Variants in GRID2 observed in about 807,000 individuals in gnomAD.
GRID2 encodes glutamate receptor ionotropic, delta-2.
GRID2 carries 33 observed loss-of-function variants against 114.8 expected under a neutral mutation model. That is an observed-to-expected ratio of 0.29 (90% CI 0.22 to 0.38). The LOEUF (loss-of-function observed/expected upper bound fraction) is 0.38. Among genes scored for constraint, GRID2 ranks in the 10% least tolerant of loss-of-function variants. The probability of loss-of-function intolerance (pLI) is 1.00; values close to 1 mark genes in which losing one functional copy is unlikely to be tolerated. For synonymous variants in GRID2, 505 were observed against 449.9 expected, an observed-to-expected ratio of 1.12 and a Z score of -1.55; for missense variants, 1,184 against 1,257.7, an observed-to-expected ratio of 0.94 and a Z score of 0.89.
chr4:92,985,269 G>C (rs535212817), intron 2 of GRID2, among the ~76,000 whole-genome samples: 100 of 150,644 alleles, frequency 6.6e-4, no homozygotes, highest in African/African-American at 2.4e-3. Context: ...TGTCTCCCAG[G>C]CTGGACTGCA....
At chr4:93,324,670 C>CT (rs1225622689) in intron 8 of GRID2, among the ~76,000 whole-genome samples, 5 of 152,018 alleles carry the variant, frequency 3.3e-5, no homozygotes, top group Non-Finnish European at 5.9e-5. Context: ...TGGTCCTGGA[C>CT]TTTTTTTGGT....
intron 1 of GRID2, among the ~76,000 whole-genome samples, chr4:92,363,772 A>G (rs942030153): frequency 3.3e-5 from 5 of 149,880 alleles, no homozygotes; most frequent in African/African-American, 1.2e-4. Context: ...AAAATAACAC[A>G]TTTTTAAAGT....
At chr4:93,406,232 A>G (rs368817990) in intron 9 of GRID2, among the ~76,000 whole-genome samples, 2 of 152,172 alleles carry the variant, frequency 1.3e-5, no homozygotes, top group South Asian at 2.1e-4. Context: ...ACATTAGTCA[A>G]TTGGTAGAAA....
At chr4:92,995,728 G>T (rs1755158376) in intron 2 of GRID2, among the ~76,000 whole-genome samples, 1 of 152,008 alleles carries the variant, frequency 6.6e-6, no homozygotes, top group African/African-American at 2.4e-5. Context: ...GACTACTATT[G>T]CTACAGTATG....
At chr4:93,337,129 A>G (rs565993622) in intron 8 of GRID2, among the ~76,000 whole-genome samples, 2 of 152,308 alleles carry the variant, frequency 1.3e-5, no homozygotes, top group East Asian at 3.9e-4. Context: ...GTAAATAAAT[A>G]TAGGAAAGAG....
chr4:92,815,193 T>C (rs985768393), intron 2 of GRID2, among the ~76,000 whole-genome samples: 5 of 152,120 alleles, frequency 3.3e-5, no homozygotes, highest in African/African-American at 1.2e-4. Flanking sequence ...ATATTCTTAT[T>C]AATATGATAT....
intron 2 of GRID2, among the ~76,000 whole-genome samples, chr4:92,904,754 A>G (rs985197683): frequency 6.6e-6 from 1 of 152,036 alleles, no homozygotes; most frequent in Non-Finnish European, 1.5e-5. Flanking sequence ...AGCAATGACA[A>G]TGGATGGAAC....
At chr4:93,579,514 A>T (rs1736756812) in intron 13 of GRID2, among the ~76,000 whole-genome samples, 1 of 152,058 alleles carries the variant, frequency 6.6e-6, no homozygotes, top group South Asian at 2.1e-4. Flanking sequence ...CCCAAGTGAA[A>T]TTCCTCTTAC....
chr4:93,762,076 T>C (rs1429136020), intron 14 of GRID2, among the ~76,000 whole-genome samples: 1 of 152,196 alleles, frequency 6.6e-6, no homozygotes, highest in Non-Finnish European at 1.5e-5. Context: ...GCTAAAGTTT[T>C]TTCTGAAAAT....
chr4:92,854,553 ATGTG>A (rs3077718), intron 2 of GRID2, among the ~76,000 whole-genome samples: 4 of 147,608 alleles, frequency 2.7e-5, no homozygotes, highest in Admixed American at 6.8e-5. Flanking sequence ...GTGAGTGAGG[ATGTG>A]TGTGTGTGTG....
intron 2 of GRID2, among the ~76,000 whole-genome samples, chr4:92,608,745 T>C (rs908573650): frequency 6.6e-6 from 1 of 151,798 alleles, no homozygotes; most frequent in African/African-American, 2.4e-5. Context: ...TTTTTTTCAT[T>C]AAGTGAGATA....
At chr4:92,456,475 CTT>C (rs1252946815) in intron 1 of GRID2, among the ~76,000 whole-genome samples, 3 of 152,016 alleles carry the variant, frequency 2.0e-5, no homozygotes, top group Admixed American at 2.0e-4. Flanking sequence ...TAGGAAGTCT[CTT>C]TTTCTACTAA....
chr4:92,598,997 G>A (rs1169553283), intron 2 of GRID2, among the ~76,000 whole-genome samples: 2 of 144,248 alleles, frequency 1.4e-5, no homozygotes. Context: ...TGAGTGCTGT[G>A]GTTTTAAATA....
chr4:93,437,684 G>A (rs1373981823), intron 10 of GRID2, among the ~76,000 whole-genome samples: 1 of 152,002 alleles, frequency 6.6e-6, no homozygotes, highest in African/African-American at 2.4e-5. Context: ...GCAATATACT[G>A]TACAGTCTAT....
At chr4:93,584,199 A>G (rs1414197884) in intron 13 of GRID2, among the ~76,000 whole-genome samples, 1 of 152,216 alleles carries the variant, frequency 6.6e-6, no homozygotes, top group Admixed American at 6.5e-5. Flanking sequence ...TTTAAATAGA[A>G]GGGCTATCCC....
chr4:92,491,338 C>G (rs566213932), intron 1 of GRID2, among the ~76,000 whole-genome samples: 1 of 152,118 alleles, frequency 6.6e-6, no homozygotes, highest in South Asian at 2.1e-4. Flanking sequence ...TTTCTAAGAG[C>G]TCCGGTCCTG....
chr4:92,670,508 C>T (rs1733006561), intron 2 of GRID2, among the ~76,000 whole-genome samples: 1 of 151,898 alleles, frequency 6.6e-6, no homozygotes, highest in African/African-American at 2.4e-5. Flanking sequence ...TGCTTATGAA[C>T]ATTAGGTAAA....
At chr4:92,853,066 A>G (rs1743935498) in intron 2 of GRID2, among the ~76,000 whole-genome samples, 1 of 151,968 alleles carries the variant, frequency 6.6e-6, no homozygotes, top group Non-Finnish European at 1.5e-5. Context: ...CAAATCCTTG[A>G]CATATAGCAC....
At chr4:93,106,427 A>G (rs1169915557) in intron 3 of GRID2, among the ~76,000 whole-genome samples, 3 of 151,964 alleles carry the variant, frequency 2.0e-5, no homozygotes, top group South Asian at 2.1e-4. Flanking sequence ...GCTCACTGCA[A>G]CCTCCGCCTC....
Sources: gnomAD v4.1 joint callset for allele counts (sites outside exome capture counted in the v4.1 genomes callset) on GRCh38, gnomAD v4.1.1 for gene constraint, MANE v1.5 for transcripts, NCBI Gene and HGNC (gene_info 2026-07-23, HGNC 2026-07-21) for gene names.